The following CTNND2 variants were observed in gnomAD, a reference collection of about 807,000 sequenced individuals.
The protein encoded by CTNND2 is catenin delta 2.
A neutral mutation model predicts 144.4 loss-of-function variants in CTNND2; 22 were observed. The observed-to-expected ratio is 0.15, with a 90% CI of 0.11 to 0.22. CTNND2 has a LOEUF of 0.22. Ranked by LOEUF, CTNND2 falls within the 10% of genes least tolerant of loss-of-function variation. The probability of loss-of-function intolerance (pLI) is 1.00; values close to 1 mark genes in which losing one functional copy is unlikely to be tolerated. For missense variants in CTNND2, 1,353 were observed against 1,618.8 expected, an observed-to-expected ratio of 0.84 and a Z score of 2.82; for synonymous variants, 751 against 695.6, an observed-to-expected ratio of 1.08 and a Z score of -1.25.
chr5:11,381,483 C>G lies in CTNND2; in HGVS notation c.1177+3182G>C, dbSNP rs563778238. Among the ~76,000 whole-genome samples, 8 of 152,214 alleles carry G rather than the reference C, an allele frequency of 5.3e-5. No individual in the cohort carries two copies. In the South Asian group the frequency reaches 1.7e-3, roughly 31 times the overall value. On this transcript the variant is annotated intron_variant, in intron 7 of 21. Transcript: ENST00000304623. Reference sequence around the variant, plus strand: ...CTCTCTGATTAACCCCCGTGGTCTCCTTGCTACTCAGCAAACATATCAGAC... The same window carrying G: ...CTCTCTGATTAACCCCCGTGGTCTCGTTGCTACTCAGCAAACATATCAGAC...
At chr5:11,184,444 C>CA (rs986361308) in intron 11 of CTNND2, among the ~76,000 whole-genome samples, 101 of 151,328 alleles carry the variant, frequency 6.7e-4, no homozygotes, top group African/African-American at 1.7e-3. Flanking sequence ...TCCATTTTCT[C>CA]AAAAAAAAAT....
rs1476164420 is a variant in CTNND2 at position 11,364,810 on chromosome 5, T to C, written c.1258A>G (p.Ile420Val). ...ACGCGGTCTTCATAGATGGGATCTA[T>C]GTGGTGTTCTGGGGACTGCAGGGCC... ...LRALQSPEHH[I>V]DPIYEDRVYQ... Residue 420 changes from isoleucine (I) to valine (V), a missense_variant, in exon 8 of 22, where the codon ATA (isoleucine) becomes GTA (valine). By Grantham distance (29) the Ile-to-Val change is conservative (BLOSUM62 3). Around this residue, in one of 4 missense-constraint regions of CTNND2, gnomAD observed 708 missense variants for 706.4 expected, o/e 1.00. Transcript: ENST00000304623. The C allele has an allele frequency of 1.2e-6, 2 of 1,613,968 alleles. No individual in the cohort carries two copies. The highest frequency in any genetic ancestry group is 1.7e-6 in the Non-Finnish European group (2 of 1,179,958).
intron 9 of CTNND2, among the ~76,000 whole-genome samples, chr5:11,338,213 G>C (rs1270008721): frequency 6.6e-6 from 1 of 152,178 alleles, no homozygotes; most frequent in Non-Finnish European, 1.5e-5. Context: ...CGCTTTAGCT[G>C]CTATATGTTG....
chr5:11,415,638 T>A (rs1761878252), intron 3 of CTNND2, among the ~76,000 whole-genome samples: 1 of 152,046 alleles, frequency 6.6e-6, no homozygotes. Flanking sequence ...AAATAATTTT[T>A]AAAAATTTGT....
intron 3 of CTNND2, among the ~76,000 whole-genome samples, chr5:11,541,850 C>A (rs1324160593): frequency 4.6e-5 from 6 of 130,338 alleles, no homozygotes; most frequent in South Asian, 2.6e-4. Context: ...CCCCCCCCCC[C>A]GGCCAAAAGC....
intron 2 of CTNND2, among the ~76,000 whole-genome samples, chr5:11,616,550 T>TTCCTTGCTTCCTTC (rs1780590110): frequency 2.0e-5 from 3 of 151,146 alleles, no homozygotes; most frequent in Non-Finnish European, 4.4e-5. Context: ...TTGCTTCCTT[T>TTCCTTGCTTCCTTC]CTCCCTCCCT....
intron 10 of CTNND2, among the ~76,000 whole-genome samples, chr5:11,229,921 C>A (rs146490172): frequency 2.2e-4 from 34 of 151,850 alleles, no homozygotes; most frequent in Admixed American, 4.6e-4. Flanking sequence ...GGGGAAAGTA[C>A]AGGCAGGAGG....
intron 9 of CTNND2, among the ~76,000 whole-genome samples, chr5:11,331,313 TGA>T (rs2149716073): frequency 6.6e-6 from 1 of 152,306 alleles, no homozygotes; most frequent in Admixed American, 6.5e-5. Flanking sequence ...TTTTGAGGTA[TGA>T]GTTACTGCTT....
intron 16 of CTNND2, among the ~76,000 whole-genome samples, chr5:11,026,177 T>C (rs1396412321): frequency 6.6e-6 from 1 of 152,034 alleles, no homozygotes; most frequent in African/African-American, 2.4e-5. Flanking sequence ...GCTGTGGTCC[T>C]GTGGTGCACT....
At chr5:11,299,263 G>A (rs1749325368) in intron 9 of CTNND2, among the ~76,000 whole-genome samples, 1 of 152,078 alleles carries the variant, frequency 6.6e-6, no homozygotes, top group African/African-American at 2.4e-5. Context: ...ACTTGTGGAG[G>A]TTTAGCTACC....
In CTNND2 at chr5:11,518,112, G is replaced by T. The variant is rs114031971; in HGVS notation, c.287+46832C>A. Among the ~76,000 whole-genome samples the T allele has an allele frequency of 2.2e-3, 333 of 152,300 alleles. 3 individuals carry two copies. The highest frequency in any genetic ancestry group is 7.4e-3 in the African/African-American group (306 of 41,566). On this transcript the variant is annotated intron_variant, in intron 3 of 21. Transcript: ENST00000304623. ...ATAACAACATTTTGGTTAACAATGG[G>T]CCGCATATAAGATGGTGGTCCCATA... is the stretch of plus-strand genomic sequence containing the variant.
chr5:10,989,059 T>C (rs953661992), intron 19 of CTNND2, among the ~76,000 whole-genome samples: 1 of 152,158 alleles, frequency 6.6e-6, no homozygotes, highest in African/African-American at 2.4e-5. Context: ...CTTAAAAAAC[T>C]GGTACTAGAA....
At chr5:11,215,662 T>C (rs946053039) in intron 10 of CTNND2, among the ~76,000 whole-genome samples, 4 of 152,240 alleles carry the variant, frequency 2.6e-5, no homozygotes, top group African/African-American at 9.6e-5. Flanking sequence ...CTTTAGGCTT[T>C]AAGACACTAA....
Position 11,867,135 on chromosome 5 carries a change from T to C in CTNND2, c.37+36682A>G, listed in dbSNP as rs1298441979. The stretch of plus-strand genomic sequence containing the variant: ...GACCTTTCTTGACTATCCAGCTGGT[T>C]GGCTGGTACAAAATACTGTGAAGCC... On this transcript the variant is annotated intron_variant, in intron 1 of 21. Coordinates refer to ENST00000304623, the MANE Select transcript of CTNND2 (RefSeq NM_001332.4). 2.6e-5 allele frequency among the ~76,000 whole-genome samples: 4 copies of C among 152,150 alleles called. No individual in the cohort carries two copies. In the East Asian group the frequency reaches 7.7e-4, roughly 29 times the overall value.
chr5:11,257,473 C>T (rs545575239), intron 9 of CTNND2, among the ~76,000 whole-genome samples: 22 of 152,256 alleles, frequency 1.4e-4, no homozygotes, highest in East Asian at 5.8e-4. Flanking sequence ...CCTCAGGAAA[C>T]GTACAGTCAT....
At chr5:11,726,580 A>G (rs1049889646) in intron 2 of CTNND2, among the ~76,000 whole-genome samples, 1 of 152,212 alleles carries the variant, frequency 6.6e-6, no homozygotes, top group Non-Finnish European at 1.5e-5. Flanking sequence ...AAAAATTACT[A>G]AAACACCACA....
At chr5:11,144,784 C>T (rs1334248946) in intron 12 of CTNND2, among the ~76,000 whole-genome samples, 2 of 152,106 alleles carry the variant, frequency 1.3e-5, no homozygotes, top group Non-Finnish European at 2.9e-5. Context: ...AGTGAGGTTC[C>T]TAGCTCCTGT....
chr5:11,774,329 G>A (rs1790117892), intron 1 of CTNND2, among the ~76,000 whole-genome samples: 1 of 144,748 alleles, frequency 6.9e-6, no homozygotes, highest in Admixed American at 7.2e-5. Context: ...TGGTGTATAT[G>A]TGCCACATTT....
intron 1 of CTNND2, among the ~76,000 whole-genome samples, chr5:11,813,853 A>G (rs1792482569): frequency 6.6e-6 from 1 of 152,194 alleles, no homozygotes; most frequent in South Asian, 2.1e-4. Flanking sequence ...TAACTGACAA[A>G]TGAACAAGAC....
Sources: allele counts gnomAD v4.1 joint callset (sites outside exome capture counted in the v4.1 genomes callset), GRCh38; gene constraint gnomAD v4.1.1; regional missense constraint gnomAD v4.1.1; transcripts MANE v1.5; gene names NCBI Gene and HGNC (gene_info 2026-07-23, HGNC 2026-07-21).